NR1D2: variants seen among roughly 807,000 people sequenced by gnomAD.
NR1D2 encodes the protein V-erbA-related protein 1-related.
NR1D2 carries 25 observed loss-of-function variants against 52.2 expected under a neutral mutation model. The ratio of observed to expected loss-of-function variants is 0.48; its 90% confidence interval spans 0.35 to 0.67. The LOEUF (loss-of-function observed/expected upper bound fraction) is 0.67. NR1D2 is among the 30% of genes least tolerant of loss of function. NR1D2 has a pLI of 0.01. For synonymous variants in NR1D2, 259 were observed against 230.1 expected, an observed-to-expected ratio of 1.13 and a Z score of -1.14; for missense variants, 681 against 707.2, an observed-to-expected ratio of 0.96 and a Z score of 0.42.
intron 2 of NR1D2, 44 bp downstream of exon 2, chr3:23,954,847 A>G: frequency 1.3e-6 from 2 of 1,580,152 alleles, no homozygotes; most frequent in Non-Finnish European, 1.7e-6. Flanking sequence ...ATTAATTGCA[A>G]ATGGGGCTTA....
intron 2 of NR1D2, 142 bp downstream of exon 2, chr3:23,954,945 A>G (rs940690711): frequency 2.7e-6 from 2 of 731,626 alleles, no homozygotes; most frequent in African/African-American, 1.8e-5. Flanking sequence ...GTAGTTAGGG[A>G]AGAAATCAGT....
chr3:23,973,366 G>A (rs1279584571), intron 7 of NR1D2, among the ~76,000 whole-genome samples: 2 of 152,134 alleles, frequency 1.3e-5, no homozygotes, highest in Non-Finnish European at 2.9e-5. Flanking sequence ...TGTTACTAGG[G>A]TACAAACCTG....
At position 23,954,700 on chromosome 3, in the gene NR1D2, C is replaced by T. The variant is rs143411191; in HGVS notation, c.180C>T (p.Leu60=). ...DTNGNPKNGD[L]ANIEGILKND... ...ATGGTAATCCCAAGAATGGTGATCTCGCCAATATTGAAGGCATCTTGAAGA... is the reference window on the plus strand; with the variant it reads ...ATGGTAATCCCAAGAATGGTGATCTTGCCAATATTGAAGGCATCTTGAAGA... The change falls in exon 2 of 8, where the codon CTC becomes CTT. Residue 60 remains leucine, a synonymous_variant. Coordinates refer to ENST00000312521, the MANE Select transcript of NR1D2 (RefSeq NM_005126.5). 5.5e-5 allele frequency: 88 copies of T among 1,613,830 alleles called. No individual in the cohort carries two copies. The East Asian group carries it at 9.1e-4, about 17-fold the overall frequency.
At chr3:23,971,518 C>T (rs1706590610) in intron 7 of NR1D2, among the ~76,000 whole-genome samples, 3 of 152,018 alleles carry the variant, frequency 2.0e-5, no homozygotes. Flanking sequence ...ATCCACCCTC[C>T]TCGGCCTCCC....
intron 1 of NR1D2, among the ~76,000 whole-genome samples, chr3:23,952,679 T>C (rs2125284109): frequency 6.6e-6 from 1 of 151,616 alleles, no homozygotes; most frequent in African/African-American, 2.4e-5. Flanking sequence ...TGAGCTGAGG[T>C]TGTGCCACTG....
chr3:23,945,902 G>A (rs955292746), intron 1 of NR1D2, among the ~76,000 whole-genome samples: 1 of 150,620 alleles, frequency 6.6e-6, no homozygotes, highest in African/African-American at 2.4e-5. Flanking sequence ...GGCGCCGGTT[G>A]GCTGGGCGGG....
chr3:23,965,196 C>T (rs991844877), intron 6 of NR1D2, 34 bp downstream of exon 6: 1 of 1,290,992 alleles, frequency 7.7e-7, no homozygotes, highest in Non-Finnish European at 1.1e-6. Context: ...TTGATGCAGG[C>T]AGGGCATGTA....
chr3:23,961,212 C>G (rs1706232479), intron 4 of NR1D2, among the ~76,000 whole-genome samples: 1 of 151,770 alleles, frequency 6.6e-6, no homozygotes, highest in African/African-American at 2.4e-5. Flanking sequence ...GCCAGGTGTT[C>G]AGGGAATGAT....
chr3:23,976,444 G>C (rs1706725709), intron 7 of NR1D2, among the ~76,000 whole-genome samples: 1 of 152,204 alleles, frequency 6.6e-6, no homozygotes, highest in African/African-American at 2.4e-5. Flanking sequence ...TCATATGAAG[G>C]CTTGAGTAGG....
intron 4 of NR1D2, among the ~76,000 whole-genome samples, chr3:23,961,394 T>TTC (rs1706240690): frequency 7.0e-6 from 1 of 142,604 alleles, no homozygotes; most frequent in Non-Finnish European, 1.5e-5. Context: ...TCTTTCTTTT[T>TTC]TTTTTTTTTT....
chr3:23,968,018 C>T lies in NR1D2; in HGVS notation c.1538C>T (p.Ser513Phe). ...MSLFTAVVLV[S>F]ADRSGIENVN... ...TTGTTTACAGCTGTTGTCCTGGTAT[C>T]TGCAGGTAAGCAAGCTGGTTCAAAA... The change falls in exon 7 of 8, where the codon TCT (serine) becomes TTT (phenylalanine). Residue 513 changes from serine to phenylalanine, a missense_variant. Around this residue, in one of 3 missense-constraint regions of NR1D2, gnomAD observed 475 missense variants for 454.5 expected, o/e 1.05. Transcript: ENST00000312521. 2 of 1,613,858 alleles carry T rather than the reference C, an allele frequency of 1.2e-6. No homozygotes were observed. The highest frequency in any genetic ancestry group is 1.7e-6 in the Non-Finnish European group (2 of 1,179,754).
chr3:23,966,100 C>T (rs1465497483), intron 6 of NR1D2, among the ~76,000 whole-genome samples: 1 of 152,202 alleles, frequency 6.6e-6, no homozygotes, highest in Non-Finnish European at 1.5e-5. Flanking sequence ...CTGTCTGCCC[C>T]AGGGCATCCC....
intron 1 of NR1D2, among the ~76,000 whole-genome samples, chr3:23,953,163 C>G (rs1174581568): frequency 6.6e-6 from 1 of 150,816 alleles, no homozygotes; most frequent in Non-Finnish European, 1.5e-5. Flanking sequence ...ATGGTGAAAC[C>G]CCATCTCTAC....
intron 7 of NR1D2, among the ~76,000 whole-genome samples, chr3:23,974,672 G>A (rs977936327): frequency 1.3e-5 from 2 of 151,998 alleles, no homozygotes; most frequent in Non-Finnish European, 2.9e-5. Flanking sequence ...AGGCAAGAGG[G>A]ACTCTTCAAA....
At chr3:23,945,653 G>T (rs1705645111) in intron 1 of NR1D2, 59 bp downstream of exon 1, 1 of 1,123,834 alleles carries the variant, frequency 8.9e-7, no homozygotes, top group Non-Finnish European at 1.1e-6. Flanking sequence ...GAGCCCGCGG[G>T]GCACTTTGGG....
intron 1 of NR1D2, chr3:23,946,055 A>C (rs1284850648): frequency 1.0e-6 from 1 of 966,292 alleles, no homozygotes. Flanking sequence ...GCTGGCTGGG[A>C]GCGCCGCAGC....
chr3:23,968,037 T>C lies in NR1D2; in HGVS notation c.1543+14T>C. On this transcript the variant is annotated intron_variant, in intron 7 of 7. Coordinates refer to ENST00000312521, the MANE Select transcript of NR1D2 (RefSeq NM_005126.5). ...TGGTATCTGCAGGTAAGCAAGCTGG[T>C]TCAAAATTGTGCCACACCTAGCATA... 3 of 1,610,366 alleles carry C rather than the reference T, an allele frequency of 1.9e-6. No individual in the cohort carries two copies. Among genetic ancestry groups the C allele is most frequent in the Non-Finnish European group, 2.5e-6 (3 of 1,176,572 alleles).
In NR1D2 at chr3:23,954,660, C is replaced by G; in HGVS notation, c.140C>G (p.Ser47Cys). ...SSSVPSSPNS[S>C]NSDTNGNPKN... is the part of the protein sequence containing the mutation. ...TCTGTTCCATCTTCTCCAAATAGCT[C>G]TAATTCTGATACCAATGGTAATCCC... The change falls in exon 2 of 8, where the codon TCT becomes TGT. Residue 47 changes from serine (S) to cysteine (C), a missense_variant. This residue lies in a region of NR1D2 where 94 missense variants were observed against 90.4 expected (regional missense o/e 1.04). Coordinates refer to ENST00000312521, the MANE Select transcript of NR1D2 (RefSeq NM_005126.5). 6.2e-7 allele frequency: 1 copy of G among 1,614,138 alleles called. No homozygotes were observed. Among genetic ancestry groups the G allele is most frequent in the African/African-American group, 1.3e-5 (1 of 75,024 alleles).
intron 1 of NR1D2, among the ~76,000 whole-genome samples, chr3:23,952,321 T>A (rs917348638): frequency 6.6e-6 from 1 of 152,172 alleles, no homozygotes; most frequent in African/African-American, 2.4e-5. Flanking sequence ...AGTCCAGGCA[T>A]AGGCTTCATG....
Sources: gnomAD v4.1 joint callset for allele counts (sites outside exome capture counted in the v4.1 genomes callset) on GRCh38, gnomAD v4.1.1 for gene constraint, gnomAD v4.1.1 regional missense constraint, MANE v1.5 for transcripts, NCBI Gene and HGNC (gene_info 2026-07-23, HGNC 2026-07-21) for gene names.